Variants in DMRT1 observed in about 807,000 individuals in gnomAD.
The protein encoded by DMRT1 is doublesex and mab-3 related transcription factor 1, also known as doublesex- and mab-3-related transcription factor 1.
In DMRT1, 7 loss-of-function variants were observed where a neutral mutation model predicts 32.3. The ratio of observed to expected loss-of-function variants is 0.22; its 90% CI spans 0.12 to 0.41. The LOEUF (loss-of-function observed/expected upper bound fraction) is 0.41, where lower values mean the gene tolerates loss of function less well. Among genes scored for constraint, DMRT1 ranks in the 10% least tolerant of loss-of-function variants. DMRT1 has a pLI of 1.00. For missense variants in DMRT1, 625 were observed against 500.5 expected, an observed-to-expected ratio of 1.25 and a Z score of -2.37; for synonymous variants, 278 against 206.1, an observed-to-expected ratio of 1.35 and a Z score of -2.99.
Position 967,600 on chromosome 9 carries a change from G to T in DMRT1, c.968-385G>T, listed in dbSNP as rs568546558. ...AATGCATGGGTGGAGTCTTGCTTGA[G>T]GTAATGTGTCAGATGGATCACTTGA... On this transcript the variant is annotated intron_variant, in intron 4 of 4. Coordinates refer to ENST00000382276, the MANE Select transcript of DMRT1 (RefSeq NM_021951.3). 2.2e-3 allele frequency among the ~76,000 whole-genome samples: 340 copies of T among 152,262 alleles called. 3 individuals carry two copies. Among genetic ancestry groups the T allele is most frequent in the African/African-American group, 7.1e-3 (296 of 41,530 alleles).
chr9:967,962 TTC>T (rs1564282231), intron 4 of DMRT1, 21 bp from the exon 5 acceptor site: 2 of 1,612,188 alleles, frequency 1.2e-6, no homozygotes, highest in Admixed American at 1.7e-5. Context: ...CTTTCTCTCT[TTC>T]TCTCTCACCT....
intron 3 of DMRT1, among the ~76,000 whole-genome samples, chr9:915,490 A>C (rs1818143420): frequency 1.3e-5 from 1 of 76,724 alleles, no homozygotes; most frequent in Admixed American, 1.7e-4. Context: ...TGCTGTGCTC[A>C]CATGCAGCTG....
rs1047690723 is a variant in DMRT1 at position 968,696 on chromosome 9, T to A, written c.*557T>A. On this transcript the variant is annotated 3_prime_UTR_variant, in exon 5 of 5. Transcript: ENST00000382276. ...CACCCCATCCTCCCAATCCAAAACG[T>A]AACTGAAATATAATCAGAAACATTA... 6.5e-6 allele frequency: 1 copy of A among 153,108 alleles called. No homozygotes were observed. The highest frequency in any genetic ancestry group is 2.4e-5 in the African/African-American group (1 of 41,396). The allele number at this position is 153,108 out of a possible 1,614,324, so 9.5% of individuals were successfully genotyped here.
At chr9:954,157 C>G (rs900086736) in intron 4 of DMRT1, among the ~76,000 whole-genome samples, 1 of 152,000 alleles carries the variant, frequency 6.6e-6, no homozygotes, top group African/African-American at 2.4e-5. Context: ...ATAATAAGCA[C>G]GGGGAGAAGT....
At chr9:896,719 A>G (rs1422700021) in intron 3 of DMRT1, among the ~76,000 whole-genome samples, 1 of 151,916 alleles carries the variant, frequency 6.6e-6, no homozygotes, top group East Asian at 2.0e-4. Context: ...AGGCTGAGGC[A>G]GAAGAATCGT....
chr9:867,624 A>G (rs1223027205), intron 2 of DMRT1, among the ~76,000 whole-genome samples: 2 of 152,186 alleles, frequency 1.3e-5, no homozygotes, highest in South Asian at 2.1e-4. Context: ...ACAAGATGGC[A>G]TGTGTATTAA....
intron 4 of DMRT1, among the ~76,000 whole-genome samples, chr9:961,614 C>T (rs1013968239): frequency 2.0e-5 from 3 of 152,170 alleles, no homozygotes; most frequent in Non-Finnish European, 2.9e-5. Flanking sequence ...TAACAAAGGC[C>T]GTTCAAGTGA....
chr9:895,963 C>T (rs987210800), intron 3 of DMRT1, among the ~76,000 whole-genome samples: 7 of 151,808 alleles, frequency 4.6e-5, no homozygotes, highest in Non-Finnish European at 8.8e-5. Context: ...CGCCACCAAG[C>T]CCAGCTAATT....
intron 2 of DMRT1, among the ~76,000 whole-genome samples, chr9:886,787 G>C (rs1439218809): frequency 6.6e-6 from 1 of 152,150 alleles, no homozygotes. Flanking sequence ...ACTTAGGCTG[G>C]CCTGCCATCT....
intron 4 of DMRT1, among the ~76,000 whole-genome samples, chr9:956,069 C>T (rs574897836): frequency 6.6e-6 from 1 of 152,288 alleles, no homozygotes; most frequent in African/African-American, 2.4e-5. Flanking sequence ...TATACGTATA[C>T]AATGGAATGT....
intron 4 of DMRT1, among the ~76,000 whole-genome samples, chr9:924,354 G>A (rs937511885): frequency 7.9e-5 from 12 of 152,190 alleles, no homozygotes; most frequent in Admixed American, 7.2e-4. Context: ...TTACAGATGT[G>A]AGCCACTGTG....
chr9:883,606 C>G (rs1816815304), intron 2 of DMRT1, among the ~76,000 whole-genome samples: 2 of 148,880 alleles, frequency 1.3e-5, no homozygotes, highest in South Asian at 2.2e-4. Flanking sequence ...GCCTGGGCAA[C>G]ATAGCCTGAC....
At chr9:879,127 T>G (rs2132625783) in intron 2 of DMRT1, among the ~76,000 whole-genome samples, 1 of 152,294 alleles carries the variant, frequency 6.6e-6, no homozygotes, top group South Asian at 2.1e-4. Flanking sequence ...CAGGCTCTAA[T>G]TCTCTCAAAT....
At chr9:870,403 A>AAACTAACAACAACAACAAC (rs77281108) in intron 2 of DMRT1, among the ~76,000 whole-genome samples, 3 of 151,160 alleles carry the variant, frequency 2.0e-5, no homozygotes, top group Non-Finnish European at 4.4e-5. Flanking sequence ...CTGTCTCAAA[A>AAACTAACAACAACAACAAC]AACAACAACA....
intron 2 of DMRT1, among the ~76,000 whole-genome samples, chr9:868,165 G>A (rs1181831929): frequency 6.6e-6 from 1 of 152,158 alleles, no homozygotes; most frequent in Non-Finnish European, 1.5e-5. Flanking sequence ...TTTTTGTAGA[G>A]ATGGGGTTTT....
chr9:865,286 C>T (rs752455819), intron 2 of DMRT1, among the ~76,000 whole-genome samples: 10 of 152,150 alleles, frequency 6.6e-5, no homozygotes, highest in Non-Finnish European at 1.3e-4. Flanking sequence ...GTCAAAAGAC[C>T]TGGCTCAGTT....
chr9:907,696 A>T (rs926791083), intron 3 of DMRT1, among the ~76,000 whole-genome samples: 1 of 152,214 alleles, frequency 6.6e-6, no homozygotes, highest in Non-Finnish European at 1.5e-5. Flanking sequence ...CAAAATGACA[A>T]GTTTTGTAGA....
At chr9:865,731 T>G (rs1815953729) in intron 2 of DMRT1, among the ~76,000 whole-genome samples, 1 of 152,190 alleles carries the variant, frequency 6.6e-6, no homozygotes, top group Non-Finnish European at 1.5e-5. Context: ...GAGACACATC[T>G]TAATGCTCAA....
chr9:902,592 G>A (rs552656196), intron 3 of DMRT1, among the ~76,000 whole-genome samples: 8 of 151,362 alleles, frequency 5.3e-5, no homozygotes, highest in South Asian at 2.1e-4. Flanking sequence ...GGGTTCAAGC[G>A]ATTCTCCTGC....
Sources: allele counts gnomAD v4.1 joint callset (sites outside exome capture counted in the v4.1 genomes callset), GRCh38; gene constraint gnomAD v4.1.1; transcripts MANE v1.5; gene names NCBI Gene and HGNC (gene_info 2026-07-23, HGNC 2026-07-21).